Variants in SPECC1 observed in about 807,000 individuals in gnomAD.
SPECC1 encodes the protein sperm antigen with calponin homology and coiled-coil domains 1, also known as cytospin-B.
Under a neutral mutation model 104.1 loss-of-function variants are expected in SPECC1, and 62 were observed. The ratio of observed to expected loss-of-function variants is 0.60; its 90% CI spans 0.49 to 0.74. SPECC1 has a LOEUF of 0.74. Ranked by LOEUF, SPECC1 falls within the 30% of genes least tolerant of loss-of-function variation. The pLI, the probability that SPECC1 is intolerant of heterozygous loss-of-function variation, is 0.00. For missense variants in SPECC1, 1,306 were observed against 1,310.5 expected (o/e 1.00, Z 0.05); for synonymous variants, 513 against 501.6 (o/e 1.02, Z -0.30).
chr17:20,131,594 T>C lies in SPECC1; in HGVS notation c.283+21032T>C, dbSNP rs1390009985. On this transcript the variant is annotated intron_variant, in intron 3 of 14. Coordinates refer to ENST00000395527, the MANE Select transcript of SPECC1 (RefSeq NM_001243439.2). ...TGAATAAAAGTGCTAACAGTAGACA[T>C]CTTTGTCTTGTTCCTGATCTACGTG... Among the ~76,000 whole-genome samples the C allele has an allele frequency of 4.6e-5, 7 of 152,042 alleles. No homozygotes were observed. The East Asian group carries it at 1.4e-3, about 29-fold the overall frequency.
intron 10 of SPECC1, among the ~76,000 whole-genome samples, chr17:20,254,480 C>G (rs1014730202): frequency 1.3e-5 from 2 of 152,120 alleles, no homozygotes; most frequent in Non-Finnish European, 2.9e-5. Context: ...CTTGAACATG[C>G]TGGGTGTGTG....
Position 20,205,619 on chromosome 17 carries a change from G to C in SPECC1, c.1570G>C (p.Glu524Gln). The C allele has an allele frequency of 6.2e-7, 1 of 1,614,158 alleles. No homozygotes were observed. The highest frequency in any genetic ancestry group is 8.5e-7 in the Non-Finnish European group (1 of 1,180,030). Residue 524 changes from glutamate (E) to glutamine (Q), a missense_variant, in exon 4 of 15, where the codon GAA (glutamate) becomes CAA (glutamine). Physicochemically the swap from Glu to Gln is conservative, Grantham distance 29. This residue lies in a region of SPECC1 where 1,177 missense variants were observed against 1,139.9 expected (regional missense o/e 1.03). Transcript: ENST00000395527. ...EENEKLNEFLELERHNNNMMA... is the reference protein window; with the variant it reads ...EENEKLNEFLQLERHNNNMMA... ...AAATGAAAAACTGAATGAGTTTCTAGAACTGGAACGGCATAATAATAACAT... is the reference window on the plus strand; with the variant it reads ...AAATGAAAAACTGAATGAGTTTCTACAACTGGAACGGCATAATAATAACAT...
intron 1 of SPECC1, among the ~76,000 whole-genome samples, chr17:20,032,559 A>G (rs922541662): frequency 2.6e-5 from 4 of 152,182 alleles, no homozygotes; most frequent in Admixed American, 2.0e-4. Flanking sequence ...AACCTTCTCT[A>G]GTGAATTTTA....
chr17:20,080,940 G>A (rs908930340), intron 1 of SPECC1, among the ~76,000 whole-genome samples: 1 of 152,050 alleles, frequency 6.6e-6, no homozygotes, highest in Non-Finnish European at 1.5e-5. Flanking sequence ...CCCTGTAGCT[G>A]CAGGAACTTG....
At position 20,279,650 on chromosome 17, in the gene SPECC1, A is replaced by G. The variant is rs917214960; in HGVS notation, c.2941-17311A>G. Among the ~76,000 whole-genome samples, 8 of 152,210 alleles carry G rather than the reference A, an allele frequency of 5.3e-5. No homozygotes were observed. The South Asian group carries it at 6.2e-4, about 12-fold the overall frequency. On this transcript the variant is annotated intron_variant, in intron 12 of 14. Transcript: ENST00000395527. ...AAGGTTACTTTTCTAGTATAAACTA[A>G]ACTTGATCTTGGAACAAAATTCCTT...
intron 12 of SPECC1, among the ~76,000 whole-genome samples, chr17:20,281,337 A>G (rs2040764475): frequency 6.6e-6 from 1 of 152,214 alleles, no homozygotes; most frequent in Admixed American, 6.5e-5. Context: ...CCAGAACTCC[A>G]TGAGGAATCT....
intron 3 of SPECC1, among the ~76,000 whole-genome samples, chr17:20,197,407 C>T (rs1013143431): frequency 1.3e-5 from 2 of 152,130 alleles, no homozygotes; most frequent in Non-Finnish European, 2.9e-5. Context: ...CAAGGTCACA[C>T]AGATATTAAA....
chr17:20,114,736 T>C (rs2048674770), intron 3 of SPECC1, among the ~76,000 whole-genome samples: 1 of 152,214 alleles, frequency 6.6e-6, no homozygotes, highest in African/African-American at 2.4e-5. Flanking sequence ...ATCTTTAGTA[T>C]TTATGTAGTG....
In SPECC1 at chr17:20,111,799, C is replaced by A. The variant is rs1033398377; in HGVS notation, c.283+1237C>A. On this transcript the variant is annotated intron_variant, in intron 3 of 14. Coordinates refer to ENST00000395527, the MANE Select transcript of SPECC1 (RefSeq NM_001243439.2). ...TCGGGTGGGAGGGTGGTGGCTCACT[C>A]AGGACCCAGGGGGGGGGCAGCGCGA... 24 of 765,076 alleles carry A rather than the reference C, an allele frequency of 3.1e-5. No homozygotes were observed. In the Admixed American group the frequency reaches 4.5e-4, roughly 14 times the overall value. 47.4% of individuals were successfully genotyped at this position (765,076 alleles called of 1,614,324 possible). A position where few individuals can be genotyped will look rare whatever the true frequency, so the allele number is the denominator to read the frequency against.
intron 3 of SPECC1, among the ~76,000 whole-genome samples, chr17:20,181,197 G>A (rs915710331): frequency 6.6e-6 from 1 of 152,004 alleles, no homozygotes; most frequent in Non-Finnish European, 1.5e-5. Context: ...TATAATCTTA[G>A]ATGCTTTTAT....
chr17:20,227,240 C>G (rs1450792651), intron 4 of SPECC1, among the ~76,000 whole-genome samples, 173 bp from the exon 5 acceptor site: 1 of 152,186 alleles, frequency 6.6e-6, no homozygotes, highest in Non-Finnish European at 1.5e-5. Context: ...CGTGAGCCTG[C>G]TGCTGACTTG....
intron 7 of SPECC1, 78 bp downstream of exon 7, chr17:20,232,483 TC>T (rs1218416639): frequency 6.9e-7 from 1 of 1,458,280 alleles, no homozygotes; most frequent in Non-Finnish European, 9.2e-7. Flanking sequence ...ATGGGACTCT[TC>T]ATGTCTGTGC....
At chr17:20,208,728 G>A (rs989850408) in intron 4 of SPECC1, among the ~76,000 whole-genome samples, 1 of 152,184 alleles carries the variant, frequency 6.6e-6, no homozygotes, top group African/African-American at 2.4e-5. Context: ...ATTTAATTAT[G>A]ATGTATGTTT....
At chr17:20,210,764 A>ACATGGCTTCGCCCGTGCCC (rs1164377826) in intron 4 of SPECC1, among the ~76,000 whole-genome samples, 8 of 152,202 alleles carry the variant, frequency 5.3e-5, no homozygotes, top group African/African-American at 1.9e-4. Context: ...CTGGGGCACC[A>ACATGGCTTCGCCCGTGCCC]CATGGCTTCG....
At chr17:20,112,820 A>C (rs1298181293) in intron 3 of SPECC1, 1 of 1,575,026 alleles carries the variant, frequency 6.3e-7, no homozygotes, top group East Asian at 2.2e-5. Flanking sequence ...AAAAAATGCA[A>C]AGTTGAAGAA....
intron 3 of SPECC1, among the ~76,000 whole-genome samples, chr17:20,111,143 T>C (rs2048470390): frequency 6.6e-6 from 1 of 152,228 alleles, no homozygotes; most frequent in African/African-American, 2.4e-5. Context: ...ATCAAAGAAT[T>C]TATTTAATTC....
At chr17:20,187,333 A>G (rs995472071) in intron 3 of SPECC1, among the ~76,000 whole-genome samples, 2 of 152,204 alleles carry the variant, frequency 1.3e-5, no homozygotes, top group African/African-American at 4.8e-5. Context: ...TTCCCACTTT[A>G]AAGTGAGTCA....
intron 1 of SPECC1, among the ~76,000 whole-genome samples, chr17:20,076,059 A>G (rs1015873682): frequency 6.6e-6 from 1 of 152,214 alleles, no homozygotes; most frequent in Non-Finnish European, 1.5e-5. Context: ...CAAGGTTACA[A>G]TGAACTATGA....
chr17:20,229,663 G>A (rs2038450675), intron 5 of SPECC1, among the ~76,000 whole-genome samples: 1 of 152,156 alleles, frequency 6.6e-6, no homozygotes, highest in Non-Finnish European at 1.5e-5. Context: ...AATAGAGCAA[G>A]ACTGCATCTC....
Sources: gnomAD v4.1 joint callset for allele counts (sites outside exome capture counted in the v4.1 genomes callset) on GRCh38, gnomAD v4.1.1 for gene constraint, gnomAD v4.1.1 regional missense constraint, MANE v1.5 for transcripts, NCBI Gene and HGNC (gene_info 2026-07-23, HGNC 2026-07-21) for gene names.